DOP1B: variants seen among roughly 807,000 people sequenced by gnomAD.
DOP1B encodes the protein protein DOP1B.
In DOP1B, 174 loss-of-function variants were observed where a neutral mutation model predicts 233.5. The ratio of observed to expected loss-of-function variants is 0.75; its 90% CI spans 0.66 to 0.85. The LOEUF (loss-of-function observed/expected upper bound fraction) is 0.85, where lower values mean the gene tolerates loss of function less well. DOP1B is among the 40% of genes least tolerant of loss of function. DOP1B has a pLI of 0.00. For missense variants in DOP1B, 2,652 were observed against 2,846.6 expected (o/e 0.93, Z 1.56); for synonymous variants, 1,190 against 1,185.6 (o/e 1.00, Z -0.08).
Position 36,214,134 on chromosome 21 carries a change from T to TA in DOP1B, c.959dup (p.Tyr320Ter). ...GCCAGAATCTGAAATCTCAAATTCT[T>TA]ATGAAGACCAGTCGTCTTATTTTTT... ...VVPESEISNSYEDQSSYFFEK... is the reference protein window; with the variant it reads ...VVPESEISNS Residue 320 changes from tyrosine (Y) to a stop codon, truncating the protein, a stop_gained and frameshift_variant, in exon 8 of 37, where the codon TAT becomes TAAT. Coordinates refer to ENST00000691173, the MANE Select transcript of DOP1B (RefSeq NM_001320714.2). LOFTEE classifies it high-confidence loss of function. The TA allele has an allele frequency of 1.9e-6, 3 of 1,614,044 alleles. No individual in the cohort carries two copies. Among genetic ancestry groups the TA allele is most frequent in the Non-Finnish European group, 2.5e-6 (3 of 1,180,010 alleles).
chr21:36,160,129 A>G (rs1357425015), intron 1 of DOP1B, among the ~76,000 whole-genome samples: 1 of 127,078 alleles, frequency 7.9e-6, no homozygotes, highest in Non-Finnish European at 1.9e-5. Context: ...ATTTTCTGGA[A>G]AAAATAATAA....
chr21:36,242,441 C>CTGGG (rs1823374212), intron 18 of DOP1B, among the ~76,000 whole-genome samples: 1 of 152,106 alleles, frequency 6.6e-6, no homozygotes, highest in Non-Finnish European at 1.5e-5. Flanking sequence ...TCCCAAAGCG[C>CTGGG]TGGGATTACA....
At chr21:36,235,244 T>C (rs2066812155) in intron 15 of DOP1B, among the ~76,000 whole-genome samples, 1 of 152,138 alleles carries the variant, frequency 6.6e-6, no homozygotes, top group East Asian at 1.9e-4. Context: ...TGTTGTCTGA[T>C]CTTTCAGCCT....
In DOP1B at chr21:36,227,478, C is replaced by T. The variant is rs1272255915; in HGVS notation, c.1474-208C>T. On this transcript the variant is annotated intron_variant, in intron 12 of 36. Transcript: ENST00000691173. ...AGGAGAATGGCGTGAACCCGGGAGG[C>T]TGAGCTTGCAGTGAGCCGAGATCGC... 2.0e-5 allele frequency among the ~76,000 whole-genome samples: 3 copies of T among 151,510 alleles called. No homozygotes were observed. In the East Asian group the frequency reaches 5.9e-4, roughly 30 times the overall value.
At chr21:36,276,366 A>G (rs765959974) in intron 27 of DOP1B, among the ~76,000 whole-genome samples, 6 of 151,994 alleles carry the variant, frequency 3.9e-5, no homozygotes, top group Non-Finnish European at 5.9e-5. Flanking sequence ...CTTTGTCTCT[A>G]TAAATAATTT....
chr21:36,214,878 A>T (rs1202837417), intron 9 of DOP1B, among the ~76,000 whole-genome samples: 1 of 152,014 alleles, frequency 6.6e-6, no homozygotes, highest in Non-Finnish European at 1.5e-5. Context: ...CCATCTCTAT[A>T]AAAAAATACA....
chr21:36,279,597 G>A (rs1286543940), intron 30 of DOP1B, among the ~76,000 whole-genome samples: 4 of 152,144 alleles, frequency 2.6e-5, no homozygotes, highest in Non-Finnish European at 5.9e-5. Context: ...GCTCTGCTGG[G>A]GTAGCTCATT....
chr21:36,230,844 T>A lies in DOP1B; in HGVS notation c.2060T>A (p.Ile687Asn), dbSNP rs926225796. ...SRKNSWEPKP[I>N]TVPQFKQMLS... ...AAGAACTCTTGGGAGCCCAAGCCCA[T>A]CACTGTGCCTCAGTTCAAGCAGATG... Residue 687 changes from isoleucine (I) to asparagine (N), a missense_variant, in exon 14 of 37, where the codon ATC becomes AAC. Physicochemically the swap from Ile to Asn is moderately radical, Grantham distance 149 (BLOSUM62 -3). Transcript: ENST00000691173. 5 of 1,613,942 alleles carry A rather than the reference T, an allele frequency of 3.1e-6. No individual in the cohort carries two copies. Among genetic ancestry groups the A allele is most frequent in the Non-Finnish European group, 4.2e-6 (5 of 1,179,986 alleles).
At chr21:36,260,273 AAG>A (rs1160070253) in intron 23 of DOP1B, among the ~76,000 whole-genome samples, 1 of 93,288 alleles carries the variant, frequency 1.1e-5, no homozygotes, top group Non-Finnish European at 1.9e-5. Flanking sequence ...GAAGGAAAGA[AAG>A]AAAGAAAGAA....
chr21:36,246,145 C>T lies in DOP1B; in HGVS notation c.4165C>T (p.Leu1389Phe), dbSNP rs1418429622. ...GTGCAAAGTTCAGGAGTTTGTCCTG[C>T]TCTCCCTGTCGGCGTCCATGTACAC... ...QRCKVQEFVL[L>F]SLSASMYTSQ... The change falls in exon 19 of 37, where the codon CTC (leucine) becomes TTC (phenylalanine). Residue 1389 changes from leucine to phenylalanine, a missense_variant. This residue lies in a region of DOP1B where 2,617 missense variants were observed against 2,794.3 expected (regional missense o/e 0.94). Transcript: ENST00000691173. This position sits in a 1 kb window ranked among gnomAD's most constrained non-coding sequence, Gnocchi z 5.1. 2 of 1,613,920 alleles carry T rather than the reference C, an allele frequency of 1.2e-6. No homozygotes were observed. Among genetic ancestry groups the T allele is most frequent in the Admixed American group, 1.7e-5 (1 of 60,016 alleles).
chr21:36,160,714 G>A (rs539186774), intron 1 of DOP1B, among the ~76,000 whole-genome samples: 1 of 152,292 alleles, frequency 6.6e-6, no homozygotes, highest in African/African-American at 2.4e-5. Flanking sequence ...CTGATGTCAG[G>A]TGATCCACCC....
In DOP1B at chr21:36,278,227, C is replaced by T. The variant is rs2067376518; in HGVS notation, c.5841C>T (p.Ser1947=). The change falls in exon 30 of 37, where the codon AGC becomes AGT. Residue 1947 remains serine (S), a synonymous_variant. Coordinates refer to ENST00000691173, the MANE Select transcript of DOP1B (RefSeq NM_001320714.2). The stretch of plus-strand genomic sequence containing the variant: ...CACTCAGTGCCTACAATGCTCCCAG[C>T]TTCCGGGCTGGCGCTCAGCTGCTGA... ...LRNHSAYNAP[S]FRAGAQLLSS... is the part of the protein sequence containing the mutation. 8 of 1,614,050 alleles carry T rather than the reference C, an allele frequency of 5.0e-6. No homozygotes were observed. The highest frequency in any genetic ancestry group is 6.8e-6 in the Non-Finnish European group (8 of 1,179,950).
chr21:36,168,277 C>T (rs2065935585), intron 2 of DOP1B, among the ~76,000 whole-genome samples: 1 of 152,016 alleles, frequency 6.6e-6, no homozygotes. Flanking sequence ...AGTTGATGGA[C>T]ATTTAGATTT....
chr21:36,187,314 G>A (rs1322575097), intron 2 of DOP1B, among the ~76,000 whole-genome samples: 1 of 151,770 alleles, frequency 6.6e-6, no homozygotes, highest in Non-Finnish European at 1.5e-5. Context: ...CCTGGCTTTC[G>A]ACAAGAGTTT....
At chr21:36,260,848 A>C in intron 24 of DOP1B, 116 bp downstream of exon 24, 1 of 1,541,976 alleles carries the variant, frequency 6.5e-7, no homozygotes, top group Non-Finnish European at 8.7e-7. Flanking sequence ...TTGTTCAGAA[A>C]ATATCTTAAA....
At chr21:36,261,594 A>G (rs1343907188) in intron 24 of DOP1B, 1 of 985,210 alleles carries the variant, frequency 1.0e-6, no homozygotes, top group East Asian at 1.1e-4. Context: ...TCCCAGGTGC[A>G]GCTCTGTGTT....
At chr21:36,219,578 G>A in intron 10 of DOP1B, 86 bp downstream of exon 10, 1 of 1,555,182 alleles carries the variant, frequency 6.4e-7, no homozygotes, top group Non-Finnish European at 8.7e-7. Flanking sequence ...ACTATAAATT[G>A]TGAAGTGGTA....
chr21:36,259,026 C>T (rs58647445), intron 23 of DOP1B, among the ~76,000 whole-genome samples: 18,289 of 144,686 alleles, frequency 0.13, 1,767 homozygotes, highest in East Asian at 0.33. Flanking sequence ...CCCAGGCTGG[C>T]GCAATCTCGG....
At chr21:36,256,604 T>A (rs2067100459) in intron 23 of DOP1B, among the ~76,000 whole-genome samples, 1 of 152,152 alleles carries the variant, frequency 6.6e-6, no homozygotes, top group Admixed American at 6.6e-5. Flanking sequence ...CAAAGTGAGA[T>A]CTGTGCGTGC....
Sources: gnomAD v4.1 joint callset for allele counts (sites outside exome capture counted in the v4.1 genomes callset) on GRCh38, gnomAD v4.1.1 for gene constraint, gnomAD v4.1.1 regional missense constraint, Gnocchi (gnomAD v3.1) non-coding constraint, MANE v1.5 for transcripts, NCBI Gene and HGNC (gene_info 2026-07-23, HGNC 2026-07-21) for gene names.